Variants in SH3RF2 observed in about 807,000 individuals in gnomAD.
SH3RF2 encodes the protein SH3 domain containing ring finger 2.
A neutral mutation model predicts 59.0 loss-of-function variants in SH3RF2; 43 were observed. That is an observed-to-expected ratio of 0.73 (90% CI 0.57 to 0.94). The LOEUF (loss-of-function observed/expected upper bound fraction) is 0.94. SH3RF2 is among the 40% of genes least tolerant of loss of function. The pLI is 0.00. For missense variants in SH3RF2, 930 were observed against 940.1 expected (o/e 0.99, Z 0.14); for synonymous variants, 391 against 391.5 (o/e 1.00, Z 0.01).
chr5:146,051,422 G>A (rs989008152), intron 7 of SH3RF2, among the ~76,000 whole-genome samples: 1 of 152,188 alleles, frequency 6.6e-6, no homozygotes, highest in Non-Finnish European at 1.5e-5. Context: ...AACTAGCTAA[G>A]AAGATATCAT....
intron 2 of SH3RF2, among the ~76,000 whole-genome samples, chr5:145,971,043 A>G (rs571746331): frequency 6.6e-6 from 1 of 152,306 alleles, no homozygotes; most frequent in East Asian, 1.9e-4. Context: ...AGAAGTCTCT[A>G]GTCTTGAGGC....
In SH3RF2 at chr5:146,000,263, T is replaced by A. The variant is rs1760354144; in HGVS notation, c.584T>A (p.Leu195His). 1 of 1,613,724 alleles carries A rather than the reference T, an allele frequency of 6.2e-7. No homozygotes were observed. ...CAGCCGCCCCCGCTCTGCAGGGCCC[T>A]CTACAACTTCGACCTACGAGGCAAG... ...LPQPPPLCRA[L>H]YNFDLRGKDK... The change falls in exon 3 of 10, where the codon CTC (leucine) becomes CAC (histidine). Residue 195 changes from leucine (L) to histidine (H), a missense_variant. Leu to His is a moderately conservative substitution (Grantham distance 99). Coordinates refer to ENST00000359120, the MANE Select transcript of SH3RF2 (RefSeq NM_152550.4).
chr5:145,964,941 T>A (rs1758801935), intron 2 of SH3RF2, among the ~76,000 whole-genome samples: 1 of 152,100 alleles, frequency 6.6e-6, no homozygotes, highest in Non-Finnish European at 1.5e-5. Context: ...TCCTGTAATC[T>A]CAGCACTTTG....
chr5:145,970,301 G>A (rs1759031012), intron 2 of SH3RF2, among the ~76,000 whole-genome samples: 1 of 151,688 alleles, frequency 6.6e-6, no homozygotes, highest in Admixed American at 6.6e-5. Context: ...AGTCCCCAAA[G>A]ACCATTATAT....
At chr5:146,061,256 C>G (rs1022069568) in intron 9 of SH3RF2, among the ~76,000 whole-genome samples, 1 of 152,110 alleles carries the variant, frequency 6.6e-6, no homozygotes, top group African/African-American at 2.4e-5. Context: ...GAACATTACC[C>G]AAGACCGCAC....
chr5:145,950,065 A>AG (rs11406719), intron 2 of SH3RF2, among the ~76,000 whole-genome samples: 30,719 of 152,112 alleles, frequency 0.2, 4,274 homozygotes, highest in African/African-American at 0.39. Flanking sequence ...GAGCCAAAGA[A>AG]AGGTGGATAT....
At chr5:145,981,453 A>G (rs1759503599) in intron 2 of SH3RF2, among the ~76,000 whole-genome samples, 1 of 152,182 alleles carries the variant, frequency 6.6e-6, no homozygotes, top group Non-Finnish European at 1.5e-5. Context: ...AGATCCACAC[A>G]TTGCAGTTGG....
chr5:146,055,806 G>A, intron 7 of SH3RF2, 175 bp from the exon 8 acceptor site: 1 of 696,420 alleles, frequency 1.4e-6, no homozygotes, highest in South Asian at 1.9e-5. Flanking sequence ...AGGGAGGTGG[G>A]GCCAACTTTA....
At chr5:146,002,529 G>GAAGGAAGGAAGA (rs1561735001) in intron 3 of SH3RF2, among the ~76,000 whole-genome samples, 6 of 144,122 alleles carry the variant, frequency 4.2e-5, no homozygotes, top group African/African-American at 1.6e-4. Context: ...AGGAAGGAAG[G>GAAGGAAGGAAGA]AAGGAAGGAT....
chr5:146,078,095 T>A (rs918347368), intron 9 of SH3RF2, among the ~76,000 whole-genome samples: 1 of 152,156 alleles, frequency 6.6e-6, no homozygotes, highest in African/African-American at 2.4e-5. Flanking sequence ...TTAAAAAAAA[T>A]AATTTGGCAA....
chr5:145,992,750 A>G (rs1441819372), intron 2 of SH3RF2, among the ~76,000 whole-genome samples: 1 of 152,144 alleles, frequency 6.6e-6, no homozygotes, highest in Non-Finnish European at 1.5e-5. Flanking sequence ...CCTGTGATTC[A>G]ATTACCTCCC....
intron 9 of SH3RF2, among the ~76,000 whole-genome samples, chr5:146,075,997 G>A (rs577706100): frequency 1.3e-5 from 2 of 152,192 alleles, no homozygotes; most frequent in African/African-American, 4.8e-5. Context: ...GCCTGCCTAG[G>A]AAAAGTCACA....
chr5:145,984,460 A>T (rs1759625589), intron 2 of SH3RF2, among the ~76,000 whole-genome samples: 2 of 152,236 alleles, frequency 1.3e-5, no homozygotes, highest in Non-Finnish European at 2.9e-5. Context: ...TATGTGGATA[A>T]AACCTTATGG....
chr5:145,996,940 T>A (rs1760180823), intron 2 of SH3RF2, among the ~76,000 whole-genome samples: 1 of 152,214 alleles, frequency 6.6e-6, no homozygotes, highest in Non-Finnish European at 1.5e-5. Context: ...TTAAATGAGA[T>A]GATCCACATA....
chr5:145,987,202 T>A (rs930059275), intron 2 of SH3RF2, among the ~76,000 whole-genome samples: 4 of 152,182 alleles, frequency 2.6e-5, no homozygotes, highest in Non-Finnish European at 5.9e-5. Context: ...CTGTTTTACA[T>A]TTTTTTCCAT....
intron 2 of SH3RF2, among the ~76,000 whole-genome samples, chr5:145,988,571 C>A (rs879018672): frequency 6.6e-6 from 1 of 151,978 alleles, no homozygotes; most frequent in Admixed American, 6.6e-5. Context: ...AACCAACATC[C>A]CACTTGATTC....
intron 5 of SH3RF2, among the ~76,000 whole-genome samples, chr5:146,041,241 A>G (rs749662254): frequency 1.3e-5 from 2 of 152,216 alleles, no homozygotes; most frequent in Admixed American, 1.3e-4. Context: ...GTGAGGGTGA[A>G]GCAGCCCTTG....
chr5:146,026,589 A>G (rs1311833752), intron 5 of SH3RF2, among the ~76,000 whole-genome samples: 1 of 152,174 alleles, frequency 6.6e-6, no homozygotes, highest in Non-Finnish European at 1.5e-5. Flanking sequence ...GGGAGCACAC[A>G]TTTACACAAC....
intron 2 of SH3RF2, among the ~76,000 whole-genome samples, chr5:145,987,431 C>T (rs1488900618): frequency 6.6e-6 from 1 of 152,210 alleles, no homozygotes; most frequent in African/African-American, 2.4e-5. Flanking sequence ...TGAGAACATA[C>T]AACGGAGAAA....
Sources: gnomAD v4.1 joint callset for allele counts (sites outside exome capture counted in the v4.1 genomes callset) on GRCh38, gnomAD v4.1.1 for gene constraint, MANE v1.5 for transcripts, NCBI Gene and HGNC (gene_info 2026-07-23, HGNC 2026-07-21) for gene names.